UNC5D: variants seen among roughly 807,000 people sequenced by gnomAD.
The protein encoded by UNC5D is netrin receptor UNC5D.
A neutral mutation model predicts 105.4 loss-of-function variants in UNC5D; 39 were observed. The ratio of observed to expected loss-of-function variants is 0.37; its 90% CI spans 0.29 to 0.48. The LOEUF (loss-of-function observed/expected upper bound fraction) is 0.48. Among genes scored for constraint, UNC5D ranks in the 20% least tolerant of loss-of-function variants. The probability of loss-of-function intolerance (pLI) is 0.98; values close to 1 mark genes in which losing one functional copy is unlikely to be tolerated. For missense variants in UNC5D, 991 were observed against 1,202.4 expected (o/e 0.82, Z 2.60); for synonymous variants, 452 against 450.4 (o/e 1.00, Z -0.04).
intron 1 of UNC5D, among the ~76,000 whole-genome samples, chr8:35,388,909 A>T (rs1045376967): frequency 6.6e-6 from 1 of 152,180 alleles, no homozygotes; most frequent in African/African-American, 2.4e-5. Flanking sequence ...GGATGAAAAA[A>T]TAGAGCTCTA....
At chr8:35,555,125 C>T (rs1816446412) in intron 2 of UNC5D, among the ~76,000 whole-genome samples, 1 of 152,092 alleles carries the variant, frequency 6.6e-6, no homozygotes, top group South Asian at 2.1e-4. Flanking sequence ...TATTTTAGGC[C>T]ACATAGCACA....
At chr8:35,656,839 T>G (rs10092757) in intron 4 of UNC5D, among the ~76,000 whole-genome samples, 29,387 of 151,846 alleles carry the variant, frequency 0.19, 6,623 homozygotes, top group African/African-American at 0.55. Context: ...TTATAAAAGC[T>G]TAAAATTCAC....
intron 3 of UNC5D, among the ~76,000 whole-genome samples, chr8:35,587,910 A>G (rs1042373099): frequency 2.7e-5 from 4 of 146,736 alleles, no homozygotes; most frequent in Admixed American, 7.1e-5. Flanking sequence ...CATCCAGTGG[A>G]AAATCTTCAA....
chr8:35,401,760 A>G (rs893454025), intron 1 of UNC5D, among the ~76,000 whole-genome samples: 1 of 152,182 alleles, frequency 6.6e-6, no homozygotes, highest in African/African-American at 2.4e-5. Flanking sequence ...AAATTAAAGA[A>G]AAAAACATCT....
At chr8:35,399,316 T>C (rs540453832) in intron 1 of UNC5D, among the ~76,000 whole-genome samples, 36 of 152,236 alleles carry the variant, frequency 2.4e-4, no homozygotes, top group Non-Finnish European at 4.7e-4. Flanking sequence ...TCCTAGTCCT[T>C]TGAGTGGTAA....
intron 1 of UNC5D, among the ~76,000 whole-genome samples, chr8:35,505,050 A>G (rs1473824770): frequency 5.9e-5 from 9 of 152,222 alleles, no homozygotes; most frequent in Admixed American, 6.5e-5. Flanking sequence ...TGTTTGTAGC[A>G]CAAAGGATAA....
chr8:35,481,139 G>A (rs989296924), intron 1 of UNC5D, among the ~76,000 whole-genome samples: 1 of 152,318 alleles, frequency 6.6e-6, no homozygotes, highest in East Asian at 1.9e-4. Context: ...AACACATAAA[G>A]CTGAGCACAT....
Position 35,311,857 on chromosome 8 carries a change from T to C in UNC5D, c.103+75970T>C, listed in dbSNP as rs181132681. 3.3e-5 allele frequency among the ~76,000 whole-genome samples: 5 copies of C among 152,270 alleles called. No homozygotes were observed. In the East Asian group the frequency reaches 9.7e-4, roughly 29 times the overall value. ...GTATTAGGACCTCCATGAGAATTACTGGGATGTGTTTTAACCTGTGGTATT... is the reference window on the plus strand; with the variant it reads ...GTATTAGGACCTCCATGAGAATTACCGGGATGTGTTTTAACCTGTGGTATT... On this transcript the variant is annotated intron_variant, in intron 1 of 16. Transcript: ENST00000404895.
At chr8:35,570,885 G>C (rs2921106) in intron 3 of UNC5D, among the ~76,000 whole-genome samples, 2,511 of 152,134 alleles carry the variant, frequency 0.017, 27 homozygotes, top group Non-Finnish European at 0.024. Context: ...TTGAACCCGG[G>C]AGGCAGAGTT....
intron 13 of UNC5D, among the ~76,000 whole-genome samples, chr8:35,758,333 C>T (rs1830607095): frequency 6.6e-6 from 1 of 151,052 alleles, no homozygotes; most frequent in Admixed American, 6.6e-5. Context: ...GTTTATAAAC[C>T]TATTTGTTTT....
At chr8:35,462,611 T>C (rs1808983173) in intron 1 of UNC5D, among the ~76,000 whole-genome samples, 2 of 152,224 alleles carry the variant, frequency 1.3e-5, no homozygotes, top group Admixed American at 1.3e-4. Flanking sequence ...AATAATATTA[T>C]GGGACTAATT....
intron 1 of UNC5D, among the ~76,000 whole-genome samples, chr8:35,446,325 A>C (rs1289862657): frequency 6.6e-6 from 1 of 152,050 alleles, no homozygotes; most frequent in Admixed American, 6.6e-5. Flanking sequence ...CATATACCAT[A>C]TTACATTGTC....
rs2131824717 is a variant in UNC5D, at chr8:35,792,710, T to C, written c.*2147T>C. On this transcript the variant is annotated 3_prime_UTR_variant, in exon 17 of 17. Transcript: ENST00000404895. ...ACTTGTAGAAAGCACATTATAGAGC[T>C]TATGTTGGAATCCATCTTGGAGGAT... is the stretch of plus-strand genomic sequence containing the variant. The C allele has an allele frequency of 7.8e-6, 2 of 255,198 alleles. No individual in the cohort carries two copies. The highest frequency in any genetic ancestry group is 4.2e-5 in the South Asian group (1 of 23,956). The allele number at this position is 255,198 out of a possible 1,614,324, so 15.8% of individuals were successfully genotyped here. A position where few individuals can be genotyped will look rare whatever the true frequency, so the allele number is the denominator to read the frequency against.
At chr8:35,442,136 A>T (rs573480159) in intron 1 of UNC5D, among the ~76,000 whole-genome samples, 1 of 151,956 alleles carries the variant, frequency 6.6e-6, no homozygotes, top group East Asian at 1.9e-4. Flanking sequence ...TGGCTATTCA[A>T]GGTTATTAGA....
At chr8:35,260,071 C>G (rs1804369388) in intron 1 of UNC5D, among the ~76,000 whole-genome samples, 1 of 152,130 alleles carries the variant, frequency 6.6e-6, no homozygotes, top group African/African-American at 2.4e-5. Context: ...AAATCTCTAA[C>G]CGCTGAGAAT....
In UNC5D at chr8:35,347,271, G is replaced by A. The variant is rs190748447; in HGVS notation, c.103+111384G>A. Among the ~76,000 whole-genome samples, 234 of 152,070 alleles carry A rather than the reference G, an allele frequency of 1.5e-3. 1 individual carries two copies. The highest frequency in any genetic ancestry group is 5.3e-3 in the African/African-American group (222 of 41,518). On this transcript the variant is annotated intron_variant, in intron 1 of 16. Coordinates refer to ENST00000404895, the MANE Select transcript of UNC5D (RefSeq NM_080872.4). The stretch of plus-strand genomic sequence containing the variant: ...CCATGAGCCAATAATCTACCCAAGT[G>A]GTCAGTGGGCTTTGTAGGGTGTGTA...
intron 4 of UNC5D, among the ~76,000 whole-genome samples, chr8:35,648,317 T>C (rs1019442804): frequency 1.1e-4 from 16 of 152,102 alleles, no homozygotes; most frequent in African/African-American, 3.6e-4. Context: ...GTTAACATCA[T>C]TAAAAAGTGG....
chr8:35,769,621 G>A (rs1237380546), intron 15 of UNC5D, among the ~76,000 whole-genome samples: 1 of 152,168 alleles, frequency 6.6e-6, no homozygotes, highest in African/African-American at 2.4e-5. Context: ...TCCTGGGATT[G>A]TCTGACTCAC....
intron 1 of UNC5D, among the ~76,000 whole-genome samples, chr8:35,478,455 G>C (rs1810261228): frequency 6.6e-6 from 1 of 152,222 alleles, no homozygotes; most frequent in African/African-American, 2.4e-5. Flanking sequence ...TAATATCCTA[G>C]ATGAAAACAT....
Sources: gnomAD v4.1 joint callset for allele counts (sites outside exome capture counted in the v4.1 genomes callset) on GRCh38, gnomAD v4.1.1 for gene constraint, MANE v1.5 for transcripts, NCBI Gene and HGNC (gene_info 2026-07-23, HGNC 2026-07-21) for gene names.